The following GREB1L variants were observed in gnomAD, a reference collection of about 807,000 sequenced individuals.
The protein encoded by GREB1L is GREB1-like protein.
GREB1L carries 17 observed loss-of-function variants against 200.8 expected under a neutral mutation model. The observed-to-expected ratio is 0.08, with a 90% CI of 0.06 to 0.13. GREB1L has a LOEUF of 0.13. Ranked by LOEUF, GREB1L falls within the 10% of genes least tolerant of loss-of-function variation. GREB1L has a pLI of 1.00. For missense variants in GREB1L, 1,657 were observed against 2,367.7 expected (o/e 0.70, Z 6.23); for synonymous variants, 789 against 893.0 (o/e 0.88, Z 2.08).
At chr18:21,392,006 C>T (rs6508382) in intron 4 of GREB1L, among the ~76,000 whole-genome samples, 45,992 of 151,980 alleles carry the variant, frequency 0.3, 9,222 homozygotes, top group African/African-American at 0.53. Flanking sequence ...GACAAGATTT[C>T]GCCATGTTGG....
chr18:21,286,735 T>C (rs2038363754), intron 1 of GREB1L, among the ~76,000 whole-genome samples: 2 of 152,368 alleles, frequency 1.3e-5, no homozygotes, highest in Admixed American at 6.5e-5. Context: ...TGACCTCAAG[T>C]GATCTGCCTG....
chr18:21,471,624 T>TC (rs1258709072), intron 15 of GREB1L, among the ~76,000 whole-genome samples: 79 of 29,794 alleles, frequency 2.7e-3, no homozygotes, highest in African/African-American at 3.3e-3. Context: ...TTGTTTCTTT[T>TC]TTTTTTTTTT....
At chr18:21,314,374 C>G (rs1567933219) in intron 1 of GREB1L, among the ~76,000 whole-genome samples, 1 of 152,076 alleles carries the variant, frequency 6.6e-6, no homozygotes, top group Non-Finnish European at 1.5e-5. Flanking sequence ...ACAGTTTCCA[C>G]ACTTTCACAC....
chr18:21,510,847 CT>C (rs113424479), intron 27 of GREB1L, among the ~76,000 whole-genome samples: 124 of 147,552 alleles, frequency 8.4e-4, no homozygotes, highest in Admixed American at 1.8e-3. Flanking sequence ...CTCACCAACA[CT>C]TTTTTTTTTT....
intron 2 of GREB1L, chr18:21,380,730 C>T (rs2040269650): frequency 6.6e-6 from 1 of 152,156 alleles, no homozygotes. Context: ...TTAAATACAA[C>T]AATTTTTGTA....
chr18:21,504,005 G>A (rs1053865099), intron 23 of GREB1L, among the ~76,000 whole-genome samples: 7 of 151,958 alleles, frequency 4.6e-5, no homozygotes, highest in African/African-American at 1.7e-4. Context: ...GCAGTGGCAC[G>A]ATCTCAACTC....
chr18:21,415,305 A>C (rs1428034394), intron 7 of GREB1L, among the ~76,000 whole-genome samples: 1 of 152,214 alleles, frequency 6.6e-6, no homozygotes, highest in Non-Finnish European at 1.5e-5. Context: ...GCTTGAGCTC[A>C]GGAGTTTGAG....
At chr18:21,378,871 G>GTT (rs369404327) in intron 2 of GREB1L, among the ~76,000 whole-genome samples, 1 of 146,170 alleles carries the variant, frequency 6.8e-6, no homozygotes, top group Admixed American at 6.9e-5. Context: ...TTAATTTAGT[G>GTT]TTTTTTTTTT....
At chr18:21,311,130 A>G (rs1218446077) in intron 1 of GREB1L, among the ~76,000 whole-genome samples, 1 of 152,234 alleles carries the variant, frequency 6.6e-6, no homozygotes, top group Non-Finnish European at 1.5e-5. Context: ...ACAATAGTTG[A>G]TTTTCCAGGC....
chr18:21,326,324 G>A lies in GREB1L; in HGVS notation c.-119-39703G>A, dbSNP rs537686679. ...TTGTTAGGATTAGGTTTGGCAATAAGTAACAAAGAGCTAAGAAATAGTAGA... is the reference window on the plus strand; with the variant it reads ...TTGTTAGGATTAGGTTTGGCAATAAATAACAAAGAGCTAAGAAATAGTAGA... On this transcript the variant is annotated intron_variant, in intron 1 of 32. Transcript: ENST00000424526. 2.6e-5 allele frequency among the ~76,000 whole-genome samples: 4 copies of A among 152,298 alleles called. No individual in the cohort carries two copies. In the South Asian group the frequency reaches 8.3e-4, roughly 32 times the overall value.
chr18:21,429,676 T>A (rs772109116), intron 7 of GREB1L, among the ~76,000 whole-genome samples: 6 of 152,140 alleles, frequency 3.9e-5, no homozygotes, highest in Non-Finnish European at 7.4e-5. Flanking sequence ...AATTGTGGGA[T>A]TTATTTTTGG....
At chr18:21,472,935 A>G in intron 15 of GREB1L, 96 bp from the exon 16 acceptor site, 2 of 753,078 alleles carry the variant, frequency 2.7e-6, no homozygotes, top group Non-Finnish European at 4.1e-6. Context: ...TACAGTTGGT[A>G]CCCAGTGTCA....
intron 7 of GREB1L, among the ~76,000 whole-genome samples, chr18:21,434,539 A>G (rs199647739): frequency 2.8e-4 from 37 of 132,338 alleles, no homozygotes; most frequent in African/African-American, 4.1e-4. Context: ...GTGTATATAT[A>G]TGTGTATATA....
At chr18:21,277,765 G>A (rs1477417347) in intron 1 of GREB1L, among the ~76,000 whole-genome samples, 2 of 152,104 alleles carry the variant, frequency 1.3e-5, no homozygotes, top group Non-Finnish European at 2.9e-5. Context: ...CTGTCATACC[G>A]CATGAGCCAC....
intron 7 of GREB1L, among the ~76,000 whole-genome samples, chr18:21,425,226 G>C (rs2032469244): frequency 6.6e-6 from 1 of 151,926 alleles, no homozygotes; most frequent in African/African-American, 2.4e-5. Flanking sequence ...TCACTTTCTT[G>C]ATGGTGTCCT....
At chr18:21,262,108 A>G (rs1487431168) in intron 1 of GREB1L, among the ~76,000 whole-genome samples, 2 of 152,190 alleles carry the variant, frequency 1.3e-5, no homozygotes, top group Non-Finnish European at 2.9e-5. Context: ...ATACTAATTT[A>G]CAGATTCTAT....
At chr18:21,254,161 C>T (rs577495968) in intron 1 of GREB1L, among the ~76,000 whole-genome samples, 20 of 150,142 alleles carry the variant, frequency 1.3e-4, no homozygotes, top group African/African-American at 4.5e-4. Context: ...CTTCCACCTC[C>T]CGGGTTCAAG....
At chr18:21,288,260 GA>G (rs894755226) in intron 1 of GREB1L, among the ~76,000 whole-genome samples, 3 of 150,304 alleles carry the variant, frequency 2.0e-5, no homozygotes, top group East Asian at 3.9e-4. Flanking sequence ...AGATTATCCA[GA>G]AAAAAAAAGA....
At chr18:21,455,676 CAA>C (rs537490805) in intron 15 of GREB1L, among the ~76,000 whole-genome samples, 4 of 113,100 alleles carry the variant, frequency 3.5e-5, no homozygotes, top group African/African-American at 3.3e-5. Context: ...GACCCTCTCC[CAA>C]AAAAAAAAAA....
Sources: gnomAD v4.1 joint callset for allele counts (sites outside exome capture counted in the v4.1 genomes callset) on GRCh38, gnomAD v4.1.1 for gene constraint, MANE v1.5 for transcripts, NCBI Gene and HGNC (gene_info 2026-07-23, HGNC 2026-07-21) for gene names.